The following PABPC4L variants were observed in gnomAD, a reference collection of about 807,000 sequenced individuals.
The protein encoded by PABPC4L is poly(A) binding protein cytoplasmic 4 like.
For missense variants in PABPC4L, 452 were observed against 451.4 expected (o/e 1.00, Z -0.01); for synonymous variants, 169 against 164.1 (o/e 1.03, Z -0.23).
At chr4:134,149,382 T>G in the PABPC4L span, among the ~76,000 whole-genome samples, 1 of 152,274 alleles carries the variant, frequency 6.6e-6, no homozygotes, top group East Asian at 1.9e-4. Context: ...ACTTTGAGGC[T>G]GGGGTTGATC....
At chr4:134,133,077 CATATT>C in the PABPC4L span, among the ~76,000 whole-genome samples, 1 of 130,958 alleles carries the variant, frequency 7.6e-6, no homozygotes, top group African/African-American at 2.9e-5. Context: ...TAATTTATCA[CATATT>C]ATATAATTAT....
chr4:134,200,042 C>G lies in PABPC4L; in HGVS notation c.978G>C (p.Gln326His). The G allele has an allele frequency of 6.4e-7, 1 of 1,551,672 alleles. No individual in the cohort carries two copies. The highest frequency in any genetic ancestry group is 8.7e-7 in the Non-Finnish European group (1 of 1,146,974). Residue 326 changes from glutamine to histidine, a missense_variant, in exon 2 of 2, where the codon CAG becomes CAC. Gln to His is a conservative substitution (Grantham distance 24). Coordinates refer to ENST00000421491, the MANE Select transcript of PABPC4L (RefSeq NM_001114734.2). ...CAAACCCTTTGCTCTGCCCCTCTTCCTGCATTACCTTAACTCTGCTAATTG... is the reference window on the plus strand; with the variant it reads ...CAAACCCTTTGCTCTGCCCCTCTTCGTGCATTACCTTAACTCTGCTAATTG... Reference protein sequence around the residue: ...FGSISRVKVMQEEGQSKGFGL... With the variant: ...FGSISRVKVMHEEGQSKGFGL...
chr4:134,189,008 T>G, the PABPC4L span, among the ~76,000 whole-genome samples: 1 of 152,200 alleles, frequency 6.6e-6, no homozygotes, highest in South Asian at 2.1e-4. Flanking sequence ...TGTTTTTCAT[T>G]TTGTAAGTTT....
chr4:134,083,005 T>A, the PABPC4L span, among the ~76,000 whole-genome samples: 1 of 152,170 alleles, frequency 6.6e-6, no homozygotes, highest in Non-Finnish European at 1.5e-5. Flanking sequence ...CCATAGATTA[T>A]ACTACTCTTT....
the PABPC4L span, among the ~76,000 whole-genome samples, chr4:134,041,447 A>T: frequency 6.6e-6 from 1 of 152,090 alleles, no homozygotes; most frequent in Non-Finnish European, 1.5e-5. Context: ...TGAAGCTGGA[A>T]ACCATAATTC....
At chr4:134,161,840 C>T in the PABPC4L span, among the ~76,000 whole-genome samples, 1 of 152,000 alleles carries the variant, frequency 6.6e-6, no homozygotes, top group East Asian at 1.9e-4. Flanking sequence ...AAGACAAACC[C>T]ATTAAAAATA....
chr4:134,053,655 G>A, the PABPC4L span, among the ~76,000 whole-genome samples: 1 of 151,998 alleles, frequency 6.6e-6, no homozygotes, highest in Non-Finnish European at 1.5e-5. Flanking sequence ...TTTTCCTAAG[G>A]ATATGAGCAT....
the PABPC4L span, among the ~76,000 whole-genome samples, chr4:134,064,164 T>C: frequency 1.3e-5 from 2 of 152,024 alleles, no homozygotes; most frequent in Non-Finnish European, 2.9e-5. Flanking sequence ...AGGAATAATA[T>C]CTAAATCCGA....
chr4:133,972,460 C>A, the PABPC4L span, among the ~76,000 whole-genome samples: 1 of 152,048 alleles, frequency 6.6e-6, no homozygotes, highest in African/African-American at 2.4e-5. Context: ...TATCTAGGGG[C>A]AGATAGTATT....
At chr4:134,189,567 A>G in the PABPC4L span, among the ~76,000 whole-genome samples, 1 of 151,402 alleles carries the variant, frequency 6.6e-6, no homozygotes, top group African/African-American at 2.4e-5. Context: ...CACATATATA[A>G]TGTGTGTGTG....
chr4:134,074,655 T>C, the PABPC4L span, among the ~76,000 whole-genome samples: 3 of 152,078 alleles, frequency 2.0e-5, no homozygotes, highest in East Asian at 5.8e-4. Flanking sequence ...CACTGGGTAA[T>C]TTATAAAGGA....
the PABPC4L span, among the ~76,000 whole-genome samples, chr4:134,050,720 A>AAAAAAAAAAAAAAAAAAAAAT: frequency 6.6e-6 from 1 of 151,152 alleles, no homozygotes; most frequent in Non-Finnish European, 1.5e-5. Flanking sequence ...AAAAAAAAAA[A>AAAAAAAAAAAAAAAAAAAAAT]AAAAAAAGTG....
chr4:134,046,281 C>T, the PABPC4L span, among the ~76,000 whole-genome samples: 3 of 152,054 alleles, frequency 2.0e-5, no homozygotes, highest in African/African-American at 4.8e-5. Context: ...CAAATAAGTT[C>T]AAGGGAAGGT....
At chr4:134,142,045 G>C in the PABPC4L span, among the ~76,000 whole-genome samples, 251 of 151,712 alleles carry the variant, frequency 1.7e-3, 2 homozygotes, top group African/African-American at 5.6e-3. Flanking sequence ...TGTTTATGCA[G>C]AGGAAAAAAA....
chr4:134,023,197 T>C, the PABPC4L span, among the ~76,000 whole-genome samples: 1 of 152,138 alleles, frequency 6.6e-6, no homozygotes, highest in African/African-American at 2.4e-5. Context: ...TCTAGGAATA[T>C]GTGCACAGTC....
the PABPC4L span, among the ~76,000 whole-genome samples, chr4:134,046,149 G>A: frequency 6.6e-6 from 1 of 152,094 alleles, no homozygotes; most frequent in East Asian, 1.9e-4. Context: ...CAGTCTCTGA[G>A]TTCCCTCAGA....
At chr4:133,955,225 G>T in the PABPC4L span, among the ~76,000 whole-genome samples, 3 of 151,588 alleles carry the variant, frequency 2.0e-5, no homozygotes, top group Non-Finnish European at 4.4e-5. Flanking sequence ...AAAACTGGGG[G>T]ATAGTTTAAT....
downstream of PABPC4L, among the ~76,000 whole-genome samples, chr4:134,194,873 C>T (rs1320547521): frequency 1.3e-5 from 2 of 151,518 alleles, no homozygotes; most frequent in Non-Finnish European, 1.5e-5. Flanking sequence ...TCCTAGGACA[C>T]GGTAAATATT....
chr4:134,015,617 A>C, the PABPC4L span, among the ~76,000 whole-genome samples: 22,722 of 152,032 alleles, frequency 0.15, 2,011 homozygotes, highest in Non-Finnish European at 0.19. Context: ...TCTCATAAAA[A>C]CACATGTGCT....
Sources: gnomAD v4.1 joint callset for allele counts (sites outside exome capture counted in the v4.1 genomes callset) on GRCh38, gnomAD v4.1.1 for gene constraint, MANE v1.5 for transcripts, NCBI Gene and HGNC (gene_info 2026-07-23, HGNC 2026-07-21) for gene names.